AFG2A: variants seen among roughly 807,000 people sequenced by gnomAD.
The protein encoded by AFG2A is AAA ATPase AFG2A.
the AFG2A span, chr4:122,923,316 C>T: frequency 3.1e-6 from 5 of 1,613,406 alleles, no homozygotes; most frequent in East Asian, 1.1e-4. Flanking sequence ...GTAAAGAATT[C>T]CGGGTGGGAG....
chr4:122,961,176 G>A, the AFG2A span, among the ~76,000 whole-genome samples: 2 of 152,086 alleles, frequency 1.3e-5, no homozygotes, highest in African/African-American at 4.8e-5. Context: ...TGGCAGCAGT[G>A]GTGATGGTTT....
At chr4:122,933,260 A>G in the AFG2A span, among the ~76,000 whole-genome samples, 1 of 152,222 alleles carries the variant, frequency 6.6e-6, no homozygotes, top group Non-Finnish European at 1.5e-5. Flanking sequence ...TTTCATGGCT[A>G]TATGTTTCTG....
At chr4:123,120,779 A>G in the AFG2A span, among the ~76,000 whole-genome samples, 4 of 152,190 alleles carry the variant, frequency 2.6e-5, no homozygotes, top group Admixed American at 2.0e-4. Context: ...ATATAAAAGT[A>G]TAGCACATTC....
At chr4:122,950,217 A>T in the AFG2A span, among the ~76,000 whole-genome samples, 4 of 152,266 alleles carry the variant, frequency 2.6e-5, no homozygotes, top group South Asian at 6.2e-4. Flanking sequence ...AGTCCATTCA[A>T]TTTGTTCAGT....
chr4:123,241,584 C>T, the AFG2A span, among the ~76,000 whole-genome samples: 319 of 152,212 alleles, frequency 2.1e-3, 2 homozygotes, highest in African/African-American at 7.3e-3. Context: ...ATTCAACAGC[C>T]GTTCATGCTA....
chr4:123,269,594 T>C, the AFG2A span, among the ~76,000 whole-genome samples: 6 of 152,218 alleles, frequency 3.9e-5, no homozygotes, highest in African/African-American at 1.4e-4. Context: ...TTGGAACCTC[T>C]AGTTTTTACA....
chr4:123,195,683 A>G, the AFG2A span, among the ~76,000 whole-genome samples: 2 of 152,202 alleles, frequency 1.3e-5, no homozygotes, highest in South Asian at 4.1e-4. Flanking sequence ...GTAGTGATCT[A>G]CAAGGTATTA....
At chr4:123,305,575 G>A in the AFG2A span, among the ~76,000 whole-genome samples, 2 of 152,210 alleles carry the variant, frequency 1.3e-5, no homozygotes, top group East Asian at 3.9e-4. Context: ...AAGAACATGG[G>A]AAGAGTTAAA....
the AFG2A span, among the ~76,000 whole-genome samples, chr4:123,132,815 C>T: frequency 7.1e-6 from 1 of 140,704 alleles, no homozygotes; most frequent in Non-Finnish European, 1.5e-5. Context: ...GAGTCTCGCT[C>T]TGTCGCCCAG....
the AFG2A span, among the ~76,000 whole-genome samples, chr4:123,218,424 C>T: frequency 6.6e-6 from 1 of 152,104 alleles, no homozygotes. Flanking sequence ...TTTTAAATCT[C>T]TCTAAGAGGT....
the AFG2A span, among the ~76,000 whole-genome samples, chr4:123,031,730 C>T: frequency 6.6e-6 from 1 of 152,218 alleles, no homozygotes; most frequent in African/African-American, 2.4e-5. Context: ...TACTTTTAAT[C>T]TTCAAGATAT....
At chr4:123,037,606 T>G in the AFG2A span, among the ~76,000 whole-genome samples, 1 of 152,088 alleles carries the variant, frequency 6.6e-6, no homozygotes, top group Non-Finnish European at 1.5e-5. Flanking sequence ...AATGGTCTCT[T>G]GTTTATAACG....
the AFG2A span, among the ~76,000 whole-genome samples, chr4:123,185,465 A>T: frequency 6.6e-6 from 1 of 152,138 alleles, no homozygotes; most frequent in Non-Finnish European, 1.5e-5. Flanking sequence ...TCTACATTTT[A>T]AATATGTACC....
At chr4:123,253,374 C>T in the AFG2A span, among the ~76,000 whole-genome samples, 1 of 151,900 alleles carries the variant, frequency 6.6e-6, no homozygotes, top group African/African-American at 2.4e-5. Flanking sequence ...ATCCCAGCTA[C>T]TTGGGAGGCT....
At chr4:123,057,609 C>T in the AFG2A span, among the ~76,000 whole-genome samples, 1 of 152,064 alleles carries the variant, frequency 6.6e-6, no homozygotes, top group East Asian at 1.9e-4. Context: ...ATAATTAAAA[C>T]TGTAAACAAA....
the AFG2A span, among the ~76,000 whole-genome samples, chr4:122,932,274 C>CAA: frequency 2.3e-5 from 3 of 129,874 alleles, no homozygotes; most frequent in Non-Finnish European, 5.0e-5. Flanking sequence ...GACCTCATCT[C>CAA]AAAAAAAAAA....
At chr4:123,218,150 T>C in the AFG2A span, among the ~76,000 whole-genome samples, 131 of 152,346 alleles carry the variant, frequency 8.6e-4, 2 homozygotes, top group East Asian at 0.024. Flanking sequence ...CTAAGAAATT[T>C]TAGCTCTCTT....
the AFG2A span, among the ~76,000 whole-genome samples, chr4:123,012,957 G>A: frequency 1.3e-5 from 2 of 152,148 alleles, no homozygotes; most frequent in African/African-American, 4.8e-5. Flanking sequence ...AATTTCACTC[G>A]TGTCTGTGTG....
chr4:123,123,951 CAAA>C, the AFG2A span, among the ~76,000 whole-genome samples: 5 of 35,766 alleles, frequency 1.4e-4, no homozygotes, highest in African/African-American at 4.0e-4. Flanking sequence ...AACTCCGTCT[CAAA>C]AAAAAAAAAA....
Sources: allele counts gnomAD v4.1 joint callset (sites outside exome capture counted in the v4.1 genomes callset), GRCh38; gene constraint gnomAD v4.1.1; transcripts MANE v1.5; gene names NCBI Gene and HGNC (gene_info 2026-07-23, HGNC 2026-07-21).